The following KDM7A variants were observed in gnomAD, a reference collection of about 807,000 sequenced individuals.
KDM7A encodes lysine demethylase 7A.
In KDM7A, 28 loss-of-function variants were observed where a neutral mutation model predicts 114.8. The ratio of observed to expected loss-of-function variants is 0.24; its 90% CI spans 0.18 to 0.33. The LOEUF (loss-of-function observed/expected upper bound fraction) is 0.33, where lower values mean the gene tolerates loss of function less well. Ranked by LOEUF, KDM7A falls within the 10% of genes least tolerant of loss-of-function variation. The probability of loss-of-function intolerance (pLI) is 1.00; values close to 1 mark genes in which losing one functional copy is unlikely to be tolerated. For missense variants in KDM7A, 942 were observed against 1,142.5 expected, an observed-to-expected ratio of 0.82 and a Z score of 2.53; for synonymous variants, 423 against 397.8, an observed-to-expected ratio of 1.06 and a Z score of -0.75.
At chr7:140,123,264 A>C (rs1361534665) in intron 7 of KDM7A, among the ~76,000 whole-genome samples, 4 of 152,228 alleles carry the variant, frequency 2.6e-5, no homozygotes, top group African/African-American at 4.8e-5. Context: ...CCATTTGGAG[A>C]ACGGGTCAGC....
At chr7:140,123,294 C>T (rs549553667) in intron 7 of KDM7A, among the ~76,000 whole-genome samples, 60 of 152,250 alleles carry the variant, frequency 3.9e-4, no homozygotes, top group African/African-American at 1.3e-3. Flanking sequence ...AGAAGTTAAA[C>T]GTAGTTAAAC....
At chr7:140,114,340 G>T (rs999131901) in intron 9 of KDM7A, among the ~76,000 whole-genome samples, 1 of 152,100 alleles carries the variant, frequency 6.6e-6, no homozygotes, top group Non-Finnish European at 1.5e-5. Flanking sequence ...ATTGGTTTTC[G>T]TATTTTTTTG....
chr7:140,123,978 G>A (rs1312311060), intron 7 of KDM7A, among the ~76,000 whole-genome samples: 1 of 151,560 alleles, frequency 6.6e-6, no homozygotes, highest in Non-Finnish European at 1.5e-5. Flanking sequence ...GCTGAGGCAG[G>A]AGAATGGCAC....
At chr7:140,152,589 G>A (rs539002360) in intron 1 of KDM7A, among the ~76,000 whole-genome samples, 6 of 150,266 alleles carry the variant, frequency 4.0e-5, no homozygotes, top group Non-Finnish European at 8.9e-5. Context: ...TCATCCCACT[G>A]CACTCCAGCC....
At chr7:140,171,531 A>T (rs1409970396) in intron 1 of KDM7A, among the ~76,000 whole-genome samples, 1 of 144,004 alleles carries the variant, frequency 6.9e-6, no homozygotes, top group Non-Finnish European at 1.5e-5. Context: ...ATATATATTT[A>T]TTTATATATT....
chr7:140,096,736 C>G lies in KDM7A; in HGVS notation c.2193G>C (p.Glu731Asp), dbSNP rs994184745. ...ACAGCATGCCCTGAATAGCTTCTTCCTCTGTGCTCGTCGAGGTAGGACATT... is the reference window on the plus strand; with the variant it reads ...ACAGCATGCCCTGAATAGCTTCTTCGTCTGTGCTCGTCGAGGTAGGACATT... Reference protein sequence around the residue: ...KRECPTSTSTEEEAIQGMLSM... With the variant: ...KRECPTSTSTDEEAIQGMLSM... The change falls in exon 17 of 20, where the codon GAG becomes GAC. Residue 731 changes from glutamate to aspartate, a missense_variant. Glu to Asp is a conservative substitution (Grantham distance 45). Coordinates refer to ENST00000397560, the MANE Select transcript of KDM7A (RefSeq NM_030647.2). 6.2e-7 allele frequency: 1 copy of G among 1,614,176 alleles called. No individual in the cohort carries two copies. The highest frequency in any genetic ancestry group is 1.7e-5 in the Admixed American group (1 of 60,034).
At chr7:140,131,021 T>G (rs988452886) in intron 3 of KDM7A, among the ~76,000 whole-genome samples, 1 of 128,868 alleles carries the variant, frequency 7.8e-6, no homozygotes, top group Non-Finnish European at 1.7e-5. Context: ...GCCTGGCTAA[T>G]TTTTTTGTTT....
chr7:140,129,581 A>T lies in KDM7A; in HGVS notation c.471T>A (p.Asp157Glu), dbSNP rs1309663009. ...TQRYLEKHGF[D>E]VPIMVPKLDD... is the part of the protein sequence containing the mutation. The stretch of plus-strand genomic sequence containing the variant: ...CTAATTTTGGGACCATAATAGGGAC[A>T]TCAAATCCATGTTTCTCCAGATATC... Residue 157 changes from aspartate (D) to glutamate (E), a missense_variant, in exon 4 of 20, where the codon GAT (aspartate) becomes GAA (glutamate). This residue lies in a region of KDM7A where 318 missense variants were observed against 453.1 expected (regional missense o/e 0.70). Coordinates refer to ENST00000397560, the MANE Select transcript of KDM7A (RefSeq NM_030647.2). The T allele has an allele frequency of 1.2e-6, 2 of 1,611,214 alleles. No homozygotes were observed. The highest frequency in any genetic ancestry group is 2.2e-5 in the East Asian group (1 of 44,840).
rs536848967 is a variant in KDM7A, at chr7:140,090,447, C to T, written c.*647G>A. The T allele has an allele frequency of 1.3e-5, 2 of 151,904 alleles. No homozygotes were observed. Among genetic ancestry groups the T allele is most frequent in the East Asian group, 1.9e-4 (1 of 5,166 alleles). 9.4% of individuals were successfully genotyped at this position (151,904 alleles called of 1,614,324 possible). A position where few individuals can be genotyped will look rare whatever the true frequency, so the allele number is the denominator to read the frequency against. On this transcript the variant is annotated 3_prime_UTR_variant, in exon 20 of 20. Coordinates refer to ENST00000397560, the MANE Select transcript of KDM7A (RefSeq NM_030647.2). ...TATGCACCTTGGATGTTAGCAAAAGCGAAGCTAATAGCTTATAAAAAACAC... is the reference window on the plus strand; with the variant it reads ...TATGCACCTTGGATGTTAGCAAAAGTGAAGCTAATAGCTTATAAAAAACAC...
At chr7:140,097,491 G>A (rs895326453) in intron 15 of KDM7A, 54 bp downstream of exon 15, 58 of 944,078 alleles carry the variant, frequency 6.1e-5, no homozygotes, top group Non-Finnish European at 8.7e-5. Context: ...GAGAAGTTAC[G>A]TGGTGCTCAT....
chr7:140,100,681 C>CATATATATAT (rs1318217688), intron 12 of KDM7A, among the ~76,000 whole-genome samples: 1 of 44,364 alleles, frequency 2.3e-5, no homozygotes, highest in Non-Finnish European at 4.4e-5. Context: ...TATATATATA[C>CATATATATAT]ATATATACAT....
At chr7:140,092,556 C>A (rs1024163234) in intron 18 of KDM7A, among the ~76,000 whole-genome samples, 5 of 152,164 alleles carry the variant, frequency 3.3e-5, no homozygotes, top group African/African-American at 1.2e-4. Flanking sequence ...TTTCCTTTCA[C>A]TACAACTACT....
intron 4 of KDM7A, 52 bp downstream of exon 4, chr7:140,129,440 CA>C (rs747719357): frequency 4.5e-5 from 64 of 1,407,512 alleles, no homozygotes; most frequent in Non-Finnish European, 6.3e-5. Context: ...CCAGGACTAT[CA>C]TTTTTACTTT....
intron 3 of KDM7A, among the ~76,000 whole-genome samples, chr7:140,132,374 T>A (rs76831645): frequency 0.063 from 9,396 of 148,750 alleles, 369 homozygotes; most frequent in Non-Finnish European, 0.091. Flanking sequence ...AACACTACAT[T>A]TTTGTGTCAG....
At chr7:140,160,501 GGACA>G (rs1329043634) in intron 1 of KDM7A, among the ~76,000 whole-genome samples, 7 of 152,192 alleles carry the variant, frequency 4.6e-5, no homozygotes, top group Admixed American at 1.3e-4. Context: ...GATAAGCACA[GGACA>G]GACAGTCTCC....
intron 1 of KDM7A, among the ~76,000 whole-genome samples, chr7:140,161,195 A>G (rs1488742875): frequency 2.6e-5 from 4 of 152,258 alleles, no homozygotes; most frequent in African/African-American, 7.2e-5. Context: ...CCACATGTCT[A>G]CATTGTAGCA....
Position 140,092,064 on chromosome 7 carries a change from C to A in KDM7A, c.2471G>T (p.Ser824Ile). The change falls in exon 19 of 20, where the codon AGC becomes ATC. Residue 824 changes from serine to isoleucine, a missense_variant. Ser to Ile is a moderately radical substitution (Grantham distance 142). Around this residue, in one of 4 missense-constraint regions of KDM7A, gnomAD observed 512 missense variants for 576.6 expected, o/e 0.89. Coordinates refer to ENST00000397560, the MANE Select transcript of KDM7A (RefSeq NM_030647.2). ...ACCTTCCTTTCTGATGCATTTCTGGCTTCTACTTAGATCCTGAAGGAGGAG... is the reference window on the plus strand; with the variant it reads ...ACCTTCCTTTCTGATGCATTTCTGGATTCTACTTAGATCCTGAAGGAGGAG... ...SRFHPQDLSRSQKCIRKEGSS... is the reference protein window; with the variant it reads ...SRFHPQDLSRIQKCIRKEGSS... 6.2e-7 allele frequency: 1 copy of A among 1,614,062 alleles called. No homozygotes were observed. Among genetic ancestry groups the A allele is most frequent in the Non-Finnish European group, 8.5e-7 (1 of 1,179,996 alleles).
intron 18 of KDM7A, among the ~76,000 whole-genome samples, chr7:140,093,486 G>A (rs1407319122): frequency 6.6e-6 from 1 of 152,186 alleles, no homozygotes; most frequent in Non-Finnish European, 1.5e-5. Context: ...AGTGCCACAT[G>A]AGAACTTTGA....
chr7:140,144,310 T>C (rs1267429646), intron 1 of KDM7A, among the ~76,000 whole-genome samples: 2 of 152,204 alleles, frequency 1.3e-5, no homozygotes, highest in Non-Finnish European at 2.9e-5. Context: ...TGCAAAAGAA[T>C]GTGTTTGGAC....
Sources: gnomAD v4.1 joint callset for allele counts (sites outside exome capture counted in the v4.1 genomes callset) on GRCh38, gnomAD v4.1.1 for gene constraint, gnomAD v4.1.1 regional missense constraint, MANE v1.5 for transcripts, NCBI Gene and HGNC (gene_info 2026-07-23, HGNC 2026-07-21) for gene names.